The following LRFN2 variants were observed in gnomAD, a reference collection of about 807,000 sequenced individuals.
LRFN2 encodes leucine rich repeat and fibronectin type III domain containing 2, also known as leucine-rich repeat and fibronectin type-III domain-containing protein 2.
LRFN2 carries 18 observed loss-of-function variants against 37.3 expected under a neutral mutation model. The observed-to-expected ratio is 0.48, with a 90% confidence interval of 0.33 to 0.72. The LOEUF is 0.72. Among genes scored for constraint, LRFN2 ranks in the 30% least tolerant of loss-of-function variants. The probability of loss-of-function intolerance (pLI) is 0.02; values close to 1 mark genes in which losing one functional copy is unlikely to be tolerated. For missense variants in LRFN2, 1,006 were observed against 1,060.7 expected, an observed-to-expected ratio of 0.95 and a Z score of 0.72; for synonymous variants, 556 against 466.6, an observed-to-expected ratio of 1.19 and a Z score of -2.47.
At chr6:40,476,016 T>C (rs1221538417) in intron 1 of LRFN2, among the ~76,000 whole-genome samples, 1 of 152,164 alleles carries the variant, frequency 6.6e-6, no homozygotes, top group Non-Finnish European at 1.5e-5. Context: ...TATGGTTGCA[T>C]TGGTATAAGG....
chr6:40,445,889 G>A (rs891091211), intron 1 of LRFN2, among the ~76,000 whole-genome samples: 5 of 152,166 alleles, frequency 3.3e-5, no homozygotes, highest in African/African-American at 1.2e-4. Flanking sequence ...AAGTTGTGAG[G>A]ATTAATTGAG....
intron 1 of LRFN2, among the ~76,000 whole-genome samples, chr6:40,519,365 C>A (rs909983): frequency 0.08 from 12,193 of 152,088 alleles, 563 homozygotes; most frequent in South Asian, 0.11. Flanking sequence ...GCCCATCCAA[C>A]CCTGTATTCA....
At chr6:40,497,035 G>A (rs1435353891) in intron 1 of LRFN2, among the ~76,000 whole-genome samples, 1 of 152,122 alleles carries the variant, frequency 6.6e-6, no homozygotes, top group African/African-American at 2.4e-5. Flanking sequence ...AATCTATGGT[G>A]CACCATGCAA....
intron 2 of LRFN2, among the ~76,000 whole-genome samples, chr6:40,413,485 T>C (rs1763018455): frequency 6.6e-6 from 1 of 152,216 alleles, no homozygotes; most frequent in Admixed American, 6.5e-5. Flanking sequence ...AATCTCGCTC[T>C]TCCCCAGGCC....
intron 1 of LRFN2, among the ~76,000 whole-genome samples, chr6:40,512,995 G>A (rs1248205429): frequency 6.6e-6 from 1 of 152,112 alleles, no homozygotes; most frequent in Non-Finnish European, 1.5e-5. Flanking sequence ...GTTTATAAAC[G>A]TCAGGCCTGA....
intron 1 of LRFN2, among the ~76,000 whole-genome samples, chr6:40,539,513 C>G (rs1158976876): frequency 6.6e-6 from 1 of 152,216 alleles, no homozygotes; most frequent in African/African-American, 2.4e-5. Flanking sequence ...ATCTCTTGAG[C>G]ACCCACTATG....
At chr6:40,459,617 A>G (rs914840789) in intron 1 of LRFN2, among the ~76,000 whole-genome samples, 15 of 152,146 alleles carry the variant, frequency 9.9e-5, no homozygotes, top group African/African-American at 3.6e-4. Context: ...AACAAATGCT[A>G]TCTCTTCTCC....
At position 40,518,334 on chromosome 6, in the gene LRFN2, C is replaced by T. The variant is rs78880943; in HGVS notation, c.-19+68607G>A. Among the ~76,000 whole-genome samples, 675 of 152,296 alleles carry T rather than the reference C, an allele frequency of 4.4e-3. 6 individuals are homozygous for T. The highest frequency in any genetic ancestry group is 0.015 in the African/African-American group (616 of 41,556). ...TTTGTTCAATGAGTTCTTCCAACAC[C>T]TCTATGAAATAAATACTACTATGAT... On this transcript the variant is annotated intron_variant, in intron 1 of 2. Transcript: ENST00000338305.
intron 1 of LRFN2, among the ~76,000 whole-genome samples, chr6:40,511,213 T>C (rs951031177): frequency 1.3e-5 from 2 of 152,172 alleles, no homozygotes; most frequent in Non-Finnish European, 2.9e-5. Context: ...TGAGGAACTT[T>C]AGGGCCTGTG....
intron 1 of LRFN2, among the ~76,000 whole-genome samples, chr6:40,440,496 AAATG>A (rs139457580): frequency 3.3e-5 from 5 of 152,046 alleles, no homozygotes; most frequent in East Asian, 1.9e-4. Flanking sequence ...ATGAATGAAT[AAATG>A]AATGAATGAA....
intron 1 of LRFN2, among the ~76,000 whole-genome samples, chr6:40,466,569 C>T (rs1193260355): frequency 6.6e-6 from 1 of 152,066 alleles, no homozygotes; most frequent in Admixed American, 6.5e-5. Context: ...AAGAGTCTAC[C>T]AGAATTGTTC....
chr6:40,432,052 A>G lies in LRFN2; in HGVS notation c.1062T>C (p.Ser354=), dbSNP rs1165354824. The G allele has an allele frequency of 6.2e-7, 1 of 1,614,040 alleles. No individual in the cohort carries two copies. The highest frequency in any genetic ancestry group is 2.2e-5 in the East Asian group (1 of 44,876). Residue 354 remains serine (S), a synonymous_variant, in exon 2 of 3, where the codon AGT becomes AGC. Transcript: ENST00000338305. The part of the protein sequence containing the change: ...LDIFITTSQD[S]GAFTCIAANA... ...TGGCAGCAATGCAGGTGAAGGCACC[A>G]CTGTCCTGAGATGTGGTGATGAAGA...
chr6:40,420,547 A>G (rs540670110), intron 2 of LRFN2, among the ~76,000 whole-genome samples: 1 of 152,362 alleles, frequency 6.6e-6, no homozygotes, highest in Admixed American at 6.5e-5. Context: ...AGGTGCCAAG[A>G]AATGCTCACA....
rs370190800 is a variant in LRFN2, at chr6:40,500,148, GCCTGGTGTTCTCACAGGTTCTC to G, written c.-18-67039_-18-67018del. 1.2e-3 allele frequency among the ~76,000 whole-genome samples: 182 copies of G among 152,356 alleles called. 1 individual carries two copies. The highest frequency in any genetic ancestry group is 4.2e-3 in the African/African-American group (174 of 41,582). ...CTGGGCCCTCAGAGAAACCCCATCA[GCCTGGTGTTCTCACAGGTTCTC>G]CCCGGAGACCGGGAGGCTCTGCTGT... On this transcript the variant is annotated intron_variant, in intron 1 of 2. Transcript: ENST00000338305.
chr6:40,511,858 G>A (rs534482035), intron 1 of LRFN2, among the ~76,000 whole-genome samples: 18 of 152,320 alleles, frequency 1.2e-4, no homozygotes, highest in African/African-American at 3.8e-4. Flanking sequence ...CTACAAAGGA[G>A]AAATGCAAGA....
chr6:40,517,991 C>T (rs1192238474), intron 1 of LRFN2, among the ~76,000 whole-genome samples: 3 of 152,158 alleles, frequency 2.0e-5, no homozygotes, highest in Non-Finnish European at 4.4e-5. Flanking sequence ...CAGTTCACCC[C>T]CTTTCCAAGT....
intron 1 of LRFN2, among the ~76,000 whole-genome samples, chr6:40,515,462 T>C (rs1304040334): frequency 6.6e-6 from 1 of 152,154 alleles, no homozygotes; most frequent in Non-Finnish European, 1.5e-5. Context: ...CTTTGCCCTT[T>C]CCATGACAGT....
chr6:40,415,773 G>A (rs1370812583), intron 2 of LRFN2, among the ~76,000 whole-genome samples: 1 of 152,208 alleles, frequency 6.6e-6, no homozygotes, highest in Non-Finnish European at 1.5e-5. Context: ...CCAGACTTGA[G>A]TTGTAAACTT....
At chr6:40,440,963 A>G (rs1561857095) in intron 1 of LRFN2, among the ~76,000 whole-genome samples, 1 of 152,196 alleles carries the variant, frequency 6.6e-6, no homozygotes, top group Non-Finnish European at 1.5e-5. Context: ...AAACTTCTTA[A>G]TTATAACTGT....
Sources: allele counts gnomAD v4.1 joint callset (sites outside exome capture counted in the v4.1 genomes callset), GRCh38; gene constraint gnomAD v4.1.1; transcripts MANE v1.5; gene names NCBI Gene and HGNC (gene_info 2026-07-23, HGNC 2026-07-21).